The following MT1M variants were observed in gnomAD, a reference collection of about 807,000 sequenced individuals.
MT1M encodes metallothionein 1M.
A neutral mutation model predicts 8.5 loss-of-function variants in MT1M; 11 were observed. The observed-to-expected ratio is 1.29, with a 90% confidence interval of 0.81 to 2.14. The LOEUF is 2.14. MT1M is among the 30% of genes most tolerant of loss of function. The probability of loss-of-function intolerance (pLI) is 0.00; values close to 1 mark genes in which losing one functional copy is unlikely to be tolerated. For synonymous variants in MT1M, 28 were observed against 30.0 expected, an observed-to-expected ratio of 0.93 and a Z score of 0.22; for missense variants, 84 against 76.6, an observed-to-expected ratio of 1.10 and a Z score of -0.36.
At chr16:56,633,506 T>A in intron 2 of MT1M, 101 bp downstream of exon 2, 2 of 1,610,200 alleles carry the variant, frequency 1.2e-6, no homozygotes, top group Non-Finnish European at 1.7e-6. Flanking sequence ...CTGGGCTTTC[T>A]TTGCCCTCAT....
chr16:56,633,217 G>T, intron 1 of MT1M, 123 bp from the exon 2 acceptor site: 1 of 1,453,542 alleles, frequency 6.9e-7, no homozygotes, highest in Non-Finnish European at 9.5e-7. Context: ...GGCTTTCCCT[G>T]AGTGGGAAAG....
chr16:56,633,587 G>A, intron 2 of MT1M, 164 bp from the exon 3 acceptor site: 12 of 1,597,240 alleles, frequency 7.5e-6, no homozygotes, highest in Non-Finnish European at 9.4e-6. Flanking sequence ...TTTTCTCTTG[G>A]GACACAAATC....
chr16:56,632,762 AAG>A lies in MT1M; in HGVS notation c.28+7_28+8del. ...CCCCAACTGCTCCTGCACCACTGGT[AAG>A]AGAAGCCGACCCTGCGCCCTAGGAA... On this transcript the variant is annotated splice_donor_5th_base_variant and intron_variant, in intron 1 of 2. Coordinates refer to ENST00000379818, the MANE Select transcript of MT1M (RefSeq NM_176870.3). 1 of 1,613,936 alleles carries A rather than the reference AAG, an allele frequency of 6.2e-7. No homozygotes were observed. Among genetic ancestry groups the A allele is most frequent in the Non-Finnish European group, 8.5e-7 (1 of 1,180,014 alleles).
intron 1 of MT1M, 81 bp downstream of exon 1, chr16:56,632,840 A>T: frequency 1.3e-6 from 2 of 1,560,342 alleles, no homozygotes; most frequent in Non-Finnish European, 1.8e-6. Context: ...AGGAGGTCGC[A>T]TTTAAGTTCT....
Position 56,632,674 on chromosome 16 carries a change from T to C in MT1M, c.-58T>C, listed in dbSNP as rs1259340217. On this transcript the variant is annotated 5_prime_UTR_variant, in exon 1 of 3. Transcript: ENST00000379818. ...GTGGCGCTCCACCACGCCGTCCGGG[T>C]GGGCCTAGCAGTCGCTCCATTTATC... 8.7e-6 allele frequency: 14 copies of C among 1,609,280 alleles called. No homozygotes were observed. The African/African-American group carries it at 1.9e-4, about 22-fold the overall frequency.
intron 1 of MT1M, among the ~76,000 whole-genome samples, chr16:56,632,996 G>C (rs1338147259): frequency 1.3e-5 from 2 of 152,228 alleles, no homozygotes; most frequent in African/African-American, 4.8e-5. Flanking sequence ...CAGTTGGTTA[G>C]GGTCCTGCTG....
At position 56,632,769 on chromosome 16, in the gene MT1M, G is replaced by A; in HGVS notation, c.28+10G>A. The A allele has an allele frequency of 3.1e-6, 5 of 1,613,690 alleles. No individual in the cohort carries two copies. Among genetic ancestry groups the A allele is most frequent in the Non-Finnish European group, 3.4e-6 (4 of 1,179,876 alleles). ...TGCTCCTGCACCACTGGTAAGAGAA[G>A]CCGACCCTGCGCCCTAGGAATCCCA... On this transcript the variant is annotated intron_variant, in intron 1 of 2. Transcript: ENST00000379818.
chr16:56,633,399 A>T lies in MT1M; in HGVS notation c.88A>T (p.Lys30Ter), dbSNP rs1299058764. Reference sequence around the variant, plus strand: ...CAAAGAGTGCAAATGCACCTCCTGCAAGAAGAGTGAGTGCGGGGCCATCTC... The same window carrying T: ...CAAAGAGTGCAAATGCACCTCCTGCTAGAAGAGTGAGTGCGGGGCCATCTC... ...TCKECKCTSC[K>*]KSCCSCCPVG... The change falls in exon 2 of 3, where the codon AAG becomes TAG. Residue 30 changes from lysine (K) to a stop codon, truncating the protein, a stop_gained. Transcript: ENST00000379818. LOFTEE classifies it high-confidence loss of function. 3.1e-6 allele frequency: 5 copies of T among 1,614,212 alleles called. No homozygotes were observed. The highest frequency in any genetic ancestry group is 4.2e-6 in the Non-Finnish European group (5 of 1,180,034).
At chr16:56,633,725 T>C (rs755523065) in intron 2 of MT1M, 26 bp from the exon 3 acceptor site, 33 of 1,613,428 alleles carry the variant, frequency 2.0e-5, no homozygotes, top group Non-Finnish European at 2.5e-5. Context: ...AGTCTACTGC[T>C]ACCTCTCTCT....
chr16:56,632,843 T>C, intron 1 of MT1M, 84 bp downstream of exon 1: 1 of 1,551,410 alleles, frequency 6.4e-7, no homozygotes, highest in Non-Finnish European at 8.9e-7. Context: ...AGGTCGCATT[T>C]AAGTTCTGAG....
Position 56,633,820 on chromosome 16 carries a change from A to C in MT1M, c.164A>C (p.Glu55Ala), listed in dbSNP as rs1366168733. The change falls in exon 3 of 3, where the codon GAG (glutamate) becomes GCG (alanine). Residue 55 changes from glutamate to alanine, a missense_variant. Physicochemically the swap from Glu to Ala is moderately radical, Grantham distance 107. Transcript: ENST00000379818. ...AHGCVCKGTL[E>A]NCSCCA ...GGCTGTGTCTGCAAAGGGACGTTGG[A>C]GAACTGCAGCTGCTGTGCCTGATGT... 1.2e-6 allele frequency: 2 copies of C among 1,614,204 alleles called. No individual in the cohort carries two copies. The highest frequency in any genetic ancestry group is 2.2e-5 in the South Asian group (2 of 91,086).
In MT1M at chr16:56,633,778, G is replaced by A; in HGVS notation, c.122G>A (p.Cys41Tyr). The A allele has an allele frequency of 6.2e-7, 1 of 1,614,204 alleles. No individual in the cohort carries two copies. Among genetic ancestry groups the A allele is most frequent in the Non-Finnish European group, 8.5e-7 (1 of 1,180,044 alleles). Residue 41 changes from cysteine to tyrosine, a missense_variant, in exon 3 of 3, where the codon TGT (cysteine) becomes TAT (tyrosine). By Grantham distance (194) the Cys-to-Tyr change is radical. Coordinates refer to ENST00000379818, the MANE Select transcript of MT1M (RefSeq NM_176870.3). The part of the protein sequence containing the change: ...KSCCSCCPVG[C>Y]AKCAHGCVCK... Reference sequence around the variant, plus strand: ...TGCTGCTCCTGCTGCCCCGTGGGCTGTGCCAAGTGTGCCCACGGCTGTGTC... The same window carrying A: ...TGCTGCTCCTGCTGCCCCGTGGGCTATGCCAAGTGTGCCCACGGCTGTGTC...
chr16:56,633,252 A>G (rs1960312695), intron 1 of MT1M, 88 bp from the exon 2 acceptor site: 32 of 1,578,056 alleles, frequency 2.0e-5, no homozygotes. Flanking sequence ...GGCCCTGCAC[A>G]AAGGAGGGGG....
rs772993210 is a variant in MT1M at position 56,633,856 on chromosome 16, C to G, written c.*14C>G. 3.1e-6 allele frequency: 5 copies of G among 1,613,734 alleles called. No individual in the cohort carries two copies. In the East Asian group the frequency reaches 6.7e-5, roughly 22 times the overall value. On this transcript the variant is annotated 3_prime_UTR_variant, in exon 3 of 3. Transcript: ENST00000379818. ...TGCTGTGCCTGATGTGGGAACAGCT[C>G]TTCTCCCAGATGTTAATAGAACAAG...
In MT1M at chr16:56,632,893, T is replaced by A. The variant is rs1960307492; in HGVS notation, c.28+134T>A. ...TTTACTTCCTTAGGTGCTTTCTTCC[T>A]GATCTCCCCTCTGAGAGCACTGCCC... On this transcript the variant is annotated intron_variant, in intron 1 of 2. Coordinates refer to ENST00000379818, the MANE Select transcript of MT1M (RefSeq NM_176870.3). 2.5e-6 allele frequency: 3 copies of A among 1,186,234 alleles called. No individual in the cohort carries two copies. The South Asian group carries it at 3.8e-5, about 15-fold the overall frequency. 73.5% of individuals were successfully genotyped at this position (1,186,234 alleles called of 1,614,324 possible).
intron 1 of MT1M, among the ~76,000 whole-genome samples, chr16:56,633,089 C>G (rs1473179176): frequency 3.3e-5 from 5 of 152,214 alleles, no homozygotes; most frequent in East Asian, 1.9e-4. Context: ...CAGGGTTCAG[C>G]ACAGAAGGTT....
chr16:56,632,887 TC>T, intron 1 of MT1M, 128 bp downstream of exon 1: 1 of 1,210,170 alleles, frequency 8.3e-7, no homozygotes, highest in Non-Finnish European at 1.2e-6. Flanking sequence ...TTAGGTGCTT[TC>T]TTCCTGATCT....
chr16:56,633,424 C>T lies in MT1M; in HGVS notation c.94+19C>T, dbSNP rs551118522. ...AAGAAGAGTGAGTGCGGGGCCATCT[C>T]CAGGAATCTGGGGCTGTGGCTGAGA... On this transcript the variant is annotated intron_variant, in intron 2 of 2. Transcript: ENST00000379818. 5 of 1,614,248 alleles carry T rather than the reference C, an allele frequency of 3.1e-6. No individual in the cohort carries two copies. Among genetic ancestry groups the T allele is most frequent in the Non-Finnish European group, 3.4e-6 (4 of 1,180,046 alleles).
At chr16:56,633,302 C>T (rs1184962696) in intron 1 of MT1M, 38 bp from the exon 2 acceptor site, 1 of 1,614,096 alleles carries the variant, frequency 6.2e-7, no homozygotes. Flanking sequence ...CCTTCTTCAT[C>T]TCACTCACTG....
Sources: gnomAD v4.1 joint callset for allele counts (sites outside exome capture counted in the v4.1 genomes callset) on GRCh38, gnomAD v4.1.1 for gene constraint, MANE v1.5 for transcripts, NCBI Gene and HGNC (gene_info 2026-07-23, HGNC 2026-07-21) for gene names.